Variants in L3HYPDH observed in about 807,000 individuals in gnomAD.
The protein encoded by L3HYPDH is trans-L-3-hydroxyproline dehydratase.
In L3HYPDH, 32 loss-of-function variants were observed where a neutral mutation model predicts 26.5. The observed-to-expected ratio is 1.21, with a 90% CI of 0.91 to 1.62. The LOEUF (loss-of-function observed/expected upper bound fraction) is 1.62. L3HYPDH is among the 40% of genes most tolerant of loss of function. L3HYPDH has a pLI of 0.00. For missense variants in L3HYPDH, 554 were observed against 476.4 expected, an observed-to-expected ratio of 1.16 and a Z score of -1.52; for synonymous variants, 215 against 196.6, an observed-to-expected ratio of 1.09 and a Z score of -0.78.
At chr14:59,490,142 G>A in the L3HYPDH span, among the ~76,000 whole-genome samples, 24 of 152,016 alleles carry the variant, frequency 1.6e-4, no homozygotes, top group African/African-American at 4.8e-4. Context: ...GGCTGGTCTC[G>A]ATCTCCTGGG....
chr14:59,475,506 G>A (rs1321317605), intron 4 of L3HYPDH, among the ~76,000 whole-genome samples: 1 of 152,184 alleles, frequency 6.6e-6, no homozygotes, highest in Non-Finnish European at 1.5e-5. Context: ...TGGCTTAACA[G>A]AAGACAACTA....
chr14:59,485,338 A>G, upstream of L3HYPDH: 1 of 458,988 alleles, frequency 2.2e-6, no homozygotes, highest in Non-Finnish European at 3.7e-6. Context: ...ACAATTGGTT[A>G]CAAAAAAAAT....
At chr14:59,492,741 C>T in the L3HYPDH span, among the ~76,000 whole-genome samples, 1 of 151,826 alleles carries the variant, frequency 6.6e-6, no homozygotes, top group Non-Finnish European at 1.5e-5. Context: ...TAAGTCTTTG[C>T]CCAAAGTATC....
chr14:59,470,823 T>C (rs1165185497), downstream of L3HYPDH, among the ~76,000 whole-genome samples: 1 of 151,926 alleles, frequency 6.6e-6, no homozygotes, highest in Non-Finnish European at 1.5e-5. Flanking sequence ...GAAGCTTAAA[T>C]ACCAAGGGAA....
chr14:59,499,767 G>A, the L3HYPDH span, among the ~76,000 whole-genome samples: 1 of 152,240 alleles, frequency 6.6e-6, no homozygotes, highest in African/African-American at 2.4e-5. Flanking sequence ...AAGACCAAGG[G>A]AACCAGAAAT....
At chr14:59,467,837 T>C (rs1889231506), downstream of L3HYPDH, among the ~76,000 whole-genome samples, 1 of 152,128 alleles carries the variant, frequency 6.6e-6, no homozygotes, top group African/African-American at 2.4e-5. Flanking sequence ...AGCCAAAAAC[T>C]TAAGAGTTTT....
chr14:59,484,343 G>T lies in L3HYPDH; in HGVS notation c.-27C>A. ...GTCTGCGTCGGGGGAGACGAGTACG[G>T]TCCCGCAGCTATGGCTTCAAGCCCG... On this transcript the variant is annotated 5_prime_UTR_variant, in exon 1 of 5. Transcript: ENST00000247194. The T allele has an allele frequency of 6.4e-7, 1 of 1,557,068 alleles. No individual in the cohort carries two copies. Among genetic ancestry groups the T allele is most frequent in the South Asian group, 1.2e-5 (1 of 85,102 alleles).
In L3HYPDH at chr14:59,483,847, A is replaced by G; in HGVS notation, c.470T>C (p.Val157Ala). ...ACEDGRSHGP[V>A]RFHSVPAFVL... ...GAAGGCCGGGACGCTGTGGAAGCGC[A>G]CCGGTCCGTGGCTGCGGCCGTCCTC... The change falls in exon 1 of 5, where the codon GTG becomes GCG. Residue 157 changes from valine to alanine, a missense_variant. Coordinates refer to ENST00000247194, the MANE Select transcript of L3HYPDH (RefSeq NM_144581.2). 6.3e-7 allele frequency: 1 copy of G among 1,587,752 alleles called. No individual in the cohort carries two copies.
intron 1 of L3HYPDH, among the ~76,000 whole-genome samples, 164 bp from the exon 2 acceptor site, chr14:59,479,515 TG>T (rs111912500): frequency 0.083 from 12,583 of 152,278 alleles, 683 homozygotes; most frequent in African/African-American, 0.16. Context: ...AAGCATCGAG[TG>T]AATAATAGCT....
At chr14:59,474,725 G>A in intron 4 of L3HYPDH, 1 of 426,784 alleles carries the variant, frequency 2.3e-6, no homozygotes, top group Non-Finnish European at 4.1e-6. Flanking sequence ...GCACAGTACT[G>A]ACCTTGTAGG....
In L3HYPDH at chr14:59,472,835, G is replaced by T; in HGVS notation, c.*130C>A. On this transcript the variant is annotated 3_prime_UTR_variant, in exon 5 of 5. Transcript: ENST00000247194. The stretch of plus-strand genomic sequence containing the variant: ...TATAATGACTTTATATTTAGCCACA[G>T]GGTAGTATTTTACAAAGAATGAGAG... 1.4e-6 allele frequency: 1 copy of T among 732,936 alleles called. No homozygotes were observed. 45.4% of individuals were successfully genotyped at this position (732,936 alleles called of 1,614,324 possible).
At chr14:59,501,956 A>G in the L3HYPDH span, among the ~76,000 whole-genome samples, 4 of 152,308 alleles carry the variant, frequency 2.6e-5, no homozygotes, top group South Asian at 8.3e-4. Flanking sequence ...ACTGGGTAGA[A>G]TAGAACATCA....
intron 4 of L3HYPDH, among the ~76,000 whole-genome samples, chr14:59,475,654 G>A (rs762511393): frequency 6.6e-6 from 1 of 152,136 alleles, no homozygotes; most frequent in Non-Finnish European, 1.5e-5. Context: ...ACACAGTTTT[G>A]ACCCTCTGAA....
chr14:59,479,914 C>G (rs1215922858), intron 1 of L3HYPDH, among the ~76,000 whole-genome samples: 1 of 152,238 alleles, frequency 6.6e-6, no homozygotes, highest in African/African-American at 2.4e-5. Context: ...GAATCATTGA[C>G]TGCTACAGCA....
At chr14:59,490,398 G>T in the L3HYPDH span, among the ~76,000 whole-genome samples, 1 of 152,142 alleles carries the variant, frequency 6.6e-6, no homozygotes, top group African/African-American at 2.4e-5. Flanking sequence ...GAGGGAATGA[G>T]CATCCAAAAA....
chr14:59,494,670 G>T, the L3HYPDH span, among the ~76,000 whole-genome samples: 1 of 152,274 alleles, frequency 6.6e-6, no homozygotes, highest in South Asian at 2.1e-4. Context: ...GGTAGGAGAT[G>T]AGCTTATAAT....
downstream of L3HYPDH, among the ~76,000 whole-genome samples, chr14:59,470,939 TG>T (rs2139793002): frequency 3.4e-4 from 1 of 2,940 alleles, no homozygotes; most frequent in Non-Finnish European, 7.4e-4. Context: ...GGAACCAGTG[TG>T]GGGGTGGCTG....
At chr14:59,474,220 C>G (rs905797779) in intron 4 of L3HYPDH, among the ~76,000 whole-genome samples, 1 of 152,040 alleles carries the variant, frequency 6.6e-6, no homozygotes, top group African/African-American at 2.4e-5. Context: ...TGGTGCCCAG[C>G]CAAGAAGCAG....
At chr14:59,495,886 T>A in the L3HYPDH span, among the ~76,000 whole-genome samples, 1 of 152,188 alleles carries the variant, frequency 6.6e-6, no homozygotes, top group African/African-American at 2.4e-5. Context: ...AATGAAAATC[T>A]TCTTTTCTAC....
Sources: allele counts gnomAD v4.1 joint callset (sites outside exome capture counted in the v4.1 genomes callset), GRCh38; gene constraint gnomAD v4.1.1; transcripts MANE v1.5; gene names NCBI Gene and HGNC (gene_info 2026-07-23, HGNC 2026-07-21).